The following TRAM1 variants were observed in gnomAD, a reference collection of about 807,000 sequenced individuals.
TRAM1 encodes the protein translocation associated membrane protein 1.
Under a neutral mutation model 48.7 loss-of-function variants are expected in TRAM1, and 17 were observed. The ratio of observed to expected loss-of-function variants is 0.35; its 90% CI spans 0.24 to 0.52. The LOEUF (loss-of-function observed/expected upper bound fraction) is 0.52. Among genes scored for constraint, TRAM1 ranks in the 20% least tolerant of loss-of-function variants. The probability of loss-of-function intolerance (pLI) is 0.94; values close to 1 mark genes in which losing one functional copy is unlikely to be tolerated. For synonymous variants in TRAM1, 182 were observed against 154.0 expected, an observed-to-expected ratio of 1.18 and a Z score of -1.34; for missense variants, 351 against 441.5, an observed-to-expected ratio of 0.79 and a Z score of 1.84.
intron 1 of TRAM1, among the ~76,000 whole-genome samples, chr8:70,601,098 G>A (rs953185559): frequency 6.6e-6 from 1 of 152,120 alleles, no homozygotes; most frequent in African/African-American, 2.4e-5. Flanking sequence ...CTTTTAGAAG[G>A]ATTGCTCTCT....
Position 70,608,306 on chromosome 8 carries a change from T to A in TRAM1, c.-107A>T. 7.1e-7 allele frequency: 1 copy of A among 1,401,696 alleles called. No homozygotes were observed. Among genetic ancestry groups the A allele is most frequent in the South Asian group, 1.5e-5 (1 of 68,898 alleles). 86.8% of individuals were successfully genotyped at this position (1,401,696 alleles called of 1,614,324 possible). On this transcript the variant is annotated 5_prime_UTR_variant, in exon 1 of 11. Transcript: ENST00000262213. Reference sequence around the variant, plus strand: ...CGCTGGCTGCTCCTCACGGCCCCGCTGCAGCCGCTCGCTGGGGCTTCACTT... The same window carrying A: ...CGCTGGCTGCTCCTCACGGCCCCGCAGCAGCCGCTCGCTGGGGCTTCACTT...
intron 1 of TRAM1, among the ~76,000 whole-genome samples, chr8:70,601,462 C>T (rs1817606081): frequency 6.6e-6 from 1 of 152,128 alleles, no homozygotes. Context: ...TGTTCCTTTC[C>T]TTCAAAGGCA....
Position 70,596,330 on chromosome 8 carries a change from G to C in TRAM1, c.427-9C>G, listed in dbSNP as rs1264000803. 6.3e-7 allele frequency: 1 copy of C among 1,588,340 alleles called. No individual in the cohort carries two copies. Among genetic ancestry groups the C allele is most frequent in the East Asian group, 2.3e-5 (1 of 42,972 alleles). On this transcript the variant is annotated splice_polypyrimidine_tract_variant and intron_variant, in intron 4 of 10. Transcript: ENST00000262213. Reference sequence around the variant, plus strand: ...TCTGAGATGTAGTTTTCCTAAGAAAGAAGATATAAAAATTAACCTGTGAGC... The same window carrying C: ...TCTGAGATGTAGTTTTCCTAAGAAACAAGATATAAAAATTAACCTGTGAGC...
chr8:70,594,252 C>G (rs75109102), intron 6 of TRAM1, among the ~76,000 whole-genome samples: 1 of 143,660 alleles, frequency 7.0e-6, no homozygotes, highest in Non-Finnish European at 1.5e-5. Flanking sequence ...AATTTTAAGA[C>G]AAGCCATTAA....
chr8:70,606,416 G>C (rs920095869), intron 1 of TRAM1, among the ~76,000 whole-genome samples: 5 of 152,126 alleles, frequency 3.3e-5, no homozygotes, highest in Non-Finnish European at 7.4e-5. Flanking sequence ...GGCTGGTCTC[G>C]AACTCCTGGG....
chr8:70,607,107 G>A (rs1005060223), intron 1 of TRAM1: 4 of 977,018 alleles, frequency 4.1e-6, no homozygotes, highest in African/African-American at 1.8e-5. Flanking sequence ...AGGCTCCAGA[G>A]AAAAATTAAA....
chr8:70,587,234 T>TA, intron 6 of TRAM1, 58 bp from the exon 7 acceptor site: 1 of 1,549,420 alleles, frequency 6.5e-7, no homozygotes, highest in South Asian at 1.1e-5. Flanking sequence ...TCCCTTTTTT[T>TA]AAGAGGTGTG....
At chr8:70,607,528 C>G (rs1817767815) in intron 1 of TRAM1, 1 of 979,328 alleles carries the variant, frequency 1.0e-6, no homozygotes, top group Non-Finnish European at 1.2e-6. Context: ...TCGCTCACCC[C>G]AATCTCGGAG....
chr8:70,588,219 A>T (rs535615765), intron 6 of TRAM1, among the ~76,000 whole-genome samples: 2 of 152,018 alleles, frequency 1.3e-5, no homozygotes, highest in East Asian at 3.9e-4. Flanking sequence ...TCTGTCTTTT[A>T]AAAAAAAGAC....
rs779183452 is a variant in TRAM1, at chr8:70,583,738, A to T, written c.802T>A (p.Ser268Thr). ...VLGRLLTLIL[S>T]VLTVGFGLAR... ...AGGCCAAAACCAACAGTCAGTACTGAAAGAATTAAAGTCAGAAGTCTTCCC... is the reference window on the plus strand; with the variant it reads ...AGGCCAAAACCAACAGTCAGTACTGTAAGAATTAAAGTCAGAAGTCTTCCC... Residue 268 changes from serine (S) to threonine (T), a missense_variant, in exon 9 of 11, where the codon TCA becomes ACA. Transcript: ENST00000262213. 20 of 1,604,326 alleles carry T rather than the reference A, an allele frequency of 1.2e-5. 1 individual carries two copies. The highest frequency in any genetic ancestry group is 3.3e-4 in the Middle Eastern group (2 of 6,022).
chr8:70,603,660 C>T (rs781499279), intron 1 of TRAM1, among the ~76,000 whole-genome samples: 2 of 152,086 alleles, frequency 1.3e-5, no homozygotes, highest in African/African-American at 4.8e-5. Context: ...GAGGGTGCAG[C>T]GAGCTGAGAT....
chr8:70,583,109 A>AT, intron 10 of TRAM1, 55 bp downstream of exon 10: 4 of 1,559,554 alleles, frequency 2.6e-6, no homozygotes, highest in Non-Finnish European at 2.6e-6. Context: ...CCAACAACAA[A>AT]TTTTTTAAAA....
intron 6 of TRAM1, among the ~76,000 whole-genome samples, chr8:70,591,371 G>A (rs1817354957): frequency 6.6e-6 from 1 of 152,036 alleles, no homozygotes; most frequent in Non-Finnish European, 1.5e-5. Flanking sequence ...ATTTCCTCTG[G>A]GGTTACAGCC....
At chr8:70,587,254 T>C (rs1817243934) in intron 6 of TRAM1, 78 bp from the exon 7 acceptor site, 13 of 1,437,644 alleles carry the variant, frequency 9.0e-6, no homozygotes, top group Non-Finnish European at 1.1e-5. Context: ...GGTCTTGCTA[T>C]GTTGCCCAGG....
intron 8 of TRAM1, among the ~76,000 whole-genome samples, chr8:70,586,467 A>G (rs1042060892): frequency 2.0e-5 from 3 of 152,122 alleles, no homozygotes; most frequent in Non-Finnish European, 4.4e-5. Flanking sequence ...ACTTTTTTTA[A>G]GACAACTTTG....
chr8:70,596,111 T>G (rs1817480963), intron 5 of TRAM1, 152 bp downstream of exon 5: 5 of 498,310 alleles, frequency 1.0e-5, no homozygotes, highest in Non-Finnish European at 1.4e-5. Context: ...CACAGCTTTT[T>G]TTTTCTTACG....
At chr8:70,600,201 C>T (rs1447999700) in intron 1 of TRAM1, 119 bp from the exon 2 acceptor site, 2 of 694,610 alleles carry the variant, frequency 2.9e-6, no homozygotes, top group East Asian at 2.7e-5. Context: ...CTCCTCGTTC[C>T]TGTGGAATCC....
At chr8:70,605,768 T>C (rs1817706503) in intron 1 of TRAM1, among the ~76,000 whole-genome samples, 1 of 152,234 alleles carries the variant, frequency 6.6e-6, no homozygotes, top group South Asian at 2.1e-4. Flanking sequence ...ACACTCACTT[T>C]TGAATTGACT....
At chr8:70,607,921 G>C in intron 1 of TRAM1, 156 bp downstream of exon 1, 3 of 905,760 alleles carry the variant, frequency 3.3e-6, no homozygotes, top group Admixed American at 4.3e-5. Flanking sequence ...ACGTGGGGCA[G>C]GGCAGGGAAG....
Sources: gnomAD v4.1 joint callset for allele counts (sites outside exome capture counted in the v4.1 genomes callset) on GRCh38, gnomAD v4.1.1 for gene constraint, MANE v1.5 for transcripts, NCBI Gene and HGNC (gene_info 2026-07-23, HGNC 2026-07-21) for gene names.